SLC5A8: variants seen among roughly 807,000 people sequenced by gnomAD.
The protein encoded by SLC5A8 is sodium-coupled monocarboxylate transporter 1.
SLC5A8 carries 55 observed loss-of-function variants against 71.9 expected under a neutral mutation model. The observed-to-expected ratio is 0.77, with a 90% CI of 0.62 to 0.96. SLC5A8 has a LOEUF of 0.96. Among genes scored for constraint, SLC5A8 ranks in the 40% least tolerant of loss-of-function variants. The pLI, the probability that SLC5A8 is intolerant of heterozygous loss-of-function variation, is 0.00. For synonymous variants in SLC5A8, 307 were observed against 276.1 expected, an observed-to-expected ratio of 1.11 and a Z score of -1.11; for missense variants, 701 against 745.3, an observed-to-expected ratio of 0.94 and a Z score of 0.69.
intron 9 of SLC5A8, among the ~76,000 whole-genome samples, chr12:101,181,605 T>C (rs1437584106): frequency 6.6e-6 from 1 of 152,188 alleles, no homozygotes; most frequent in Non-Finnish European, 1.5e-5. Context: ...TAGAGGCTTG[T>C]ATGGGTAACT....
chr12:101,161,354 C>A (rs534612210), intron 13 of SLC5A8, among the ~76,000 whole-genome samples: 1 of 152,162 alleles, frequency 6.6e-6, no homozygotes, highest in East Asian at 1.9e-4. Flanking sequence ...TAAGAGAATT[C>A]ATAGAATGAG....
Position 101,181,284 on chromosome 12 carries a change from T to A in SLC5A8, c.1166-1188A>T, listed in dbSNP as rs552322577. 7.2e-5 allele frequency among the ~76,000 whole-genome samples: 11 copies of A among 152,356 alleles called. No individual in the cohort carries two copies. The East Asian group carries it at 2.1e-3, about 29-fold the overall frequency. On this transcript the variant is annotated intron_variant, in intron 9 of 14. Coordinates refer to ENST00000536262, the MANE Select transcript of SLC5A8 (RefSeq NM_145913.5). ...ATTTTAATGTAAATAATATTTTCAA[T>A]ATATTTGGTTTGATTCTCCATTTGA...
Position 101,202,182 on chromosome 12 carries a change from C to G in SLC5A8, c.451G>C (p.Ala151Pro), listed in dbSNP as rs980159299. 5.6e-6 allele frequency: 9 copies of G among 1,608,246 alleles called. No individual in the cohort carries two copies. In the Admixed American group the frequency reaches 6.8e-5, roughly 12 times the overall value. Residue 151 changes from alanine to proline, a missense_variant, in exon 3 of 15, where the codon GCC becomes CCC. By Grantham distance (27) the Ala-to-Pro change is conservative. Coordinates refer to ENST00000536262, the MANE Select transcript of SLC5A8 (RefSeq NM_145913.5). Reference sequence around the variant, plus strand: ...AATGTACCTTGATTCAAAGCCAGGGCAGGGGCATAAATAACAATTCCAGTA... The same window carrying G: ...AATGTACCTTGATTCAAAGCCAGGGGAGGGGCATAAATAACAATTCCAGTA... ...LYTGIVIYAP[A>P]LALNQVTGFD...
chr12:101,199,956 C>T (rs1254445823), intron 3 of SLC5A8, among the ~76,000 whole-genome samples: 2 of 115,898 alleles, frequency 1.7e-5, no homozygotes, highest in African/African-American at 6.7e-5. Flanking sequence ...AAGTCTATAA[C>T]AAGAGAATGG....
intron 4 of SLC5A8, 145 bp downstream of exon 4, chr12:101,194,950 T>G: frequency 1.4e-6 from 1 of 711,344 alleles, no homozygotes; most frequent in Non-Finnish European, 2.4e-6. Flanking sequence ...ACAGATTATT[T>G]CTCACACAAA....
At chr12:101,158,630 A>G (rs868040092) in intron 13 of SLC5A8, among the ~76,000 whole-genome samples, 7 of 127,398 alleles carry the variant, frequency 5.5e-5, no homozygotes, top group South Asian at 5.1e-4. Flanking sequence ...ATATATATAT[A>G]TATGTATCAT....
intron 11 of SLC5A8, among the ~76,000 whole-genome samples, chr12:101,167,651 T>C (rs1006115591): frequency 6.6e-6 from 1 of 152,234 alleles, no homozygotes; most frequent in African/African-American, 2.4e-5. Context: ...GAGCTACAGC[T>C]TTAAATGTCA....
Position 101,209,617 on chromosome 12 carries a change from C to A in SLC5A8, c.232G>T (p.Val78Phe). 6.2e-7 allele frequency: 1 copy of A among 1,614,074 alleles called. No homozygotes were observed. The highest frequency in any genetic ancestry group is 1.1e-5 in the South Asian group (1 of 91,086). Residue 78 changes from valine to phenylalanine, a missense_variant, in exon 1 of 15, where the codon GTC becomes TTC. Transcript: ENST00000536262. ...CTAAAAATGGCCCCAAAACGGTAGA[C>A]CTCGGAGGGGGTGCCCAGGACAGTG... ...AVTVLGTPSEVYRFGAIFSIF... is the reference protein window; with the variant it reads ...AVTVLGTPSEFYRFGAIFSIF...
intron 10 of SLC5A8, among the ~76,000 whole-genome samples, chr12:101,171,827 G>A (rs1299474049): frequency 1.3e-5 from 2 of 152,166 alleles, no homozygotes; most frequent in African/African-American, 4.8e-5. Context: ...TGGTGAATAG[G>A]TCTGGAGAAG....
Position 101,190,440 on chromosome 12 carries a change from G to C in SLC5A8, c.833+28C>G, listed in dbSNP as rs1213527737. 5 of 1,597,274 alleles carry C rather than the reference G, an allele frequency of 3.1e-6. No homozygotes were observed. The South Asian group carries it at 5.7e-5, about 18-fold the overall frequency. ...ATAAAGACAACTGATGGTTATTAATGATTCATATACCATGGTGTGTGACTT... is the reference window on the plus strand; with the variant it reads ...ATAAAGACAACTGATGGTTATTAATCATTCATATACCATGGTGTGTGACTT... On this transcript the variant is annotated intron_variant, in intron 6 of 14. Coordinates refer to ENST00000536262, the MANE Select transcript of SLC5A8 (RefSeq NM_145913.5).
At chr12:101,169,687 G>A (rs2051809815) in intron 10 of SLC5A8, among the ~76,000 whole-genome samples, 1 of 152,160 alleles carries the variant, frequency 6.6e-6, no homozygotes, top group Non-Finnish European at 1.5e-5. Flanking sequence ...AAATTTCAGG[G>A]AGCACTTGGG....
At chr12:101,161,060 G>A (rs1205395145) in intron 13 of SLC5A8, among the ~76,000 whole-genome samples, 1 of 152,178 alleles carries the variant, frequency 6.6e-6, no homozygotes, top group African/African-American at 2.4e-5. Flanking sequence ...TGGTAGCAGA[G>A]CGCTGTCACA....
At chr12:101,198,351 C>G (rs549213194) in intron 3 of SLC5A8, among the ~76,000 whole-genome samples, 5 of 151,840 alleles carry the variant, frequency 3.3e-5, no homozygotes, top group African/African-American at 1.2e-4. Context: ...AGCCAAAACA[C>G]TGATTCTTAG....
chr12:101,192,696 T>G (rs1868965970), intron 5 of SLC5A8, among the ~76,000 whole-genome samples: 1 of 152,216 alleles, frequency 6.6e-6, no homozygotes. Flanking sequence ...ACTTTCCTAG[T>G]CAATTCTCTA....
intron 3 of SLC5A8, among the ~76,000 whole-genome samples, chr12:101,199,679 T>C (rs969802523): frequency 6.6e-6 from 1 of 151,928 alleles, no homozygotes; most frequent in African/African-American, 2.4e-5. Context: ...GTGGAATGAC[T>C]AGAATTCTCA....
chr12:101,200,615 A>C (rs2671445), intron 3 of SLC5A8, among the ~76,000 whole-genome samples: 31,544 of 151,980 alleles, frequency 0.21, 3,800 homozygotes, highest in East Asian at 0.53. Context: ...ATTAATATTA[A>C]TATTTTAGGT....
intron 4 of SLC5A8, 122 bp from the exon 5 acceptor site, chr12:101,193,901 AAGGGAAAC>A: frequency 1.0e-6 from 1 of 960,556 alleles, no homozygotes; most frequent in East Asian, 2.7e-5. Flanking sequence ...AAGTGCACTC[AAGGGAAAC>A]AGTCAGGTTG....
chr12:101,165,991 G>C (rs1202094004), intron 12 of SLC5A8, among the ~76,000 whole-genome samples: 4 of 152,148 alleles, frequency 2.6e-5, no homozygotes, highest in Non-Finnish European at 4.4e-5. Flanking sequence ...TGTACTGCAT[G>C]ACTGAAATCT....
rs187891528 is a variant in SLC5A8 at position 101,156,597 on chromosome 12, A to G, written c.*682T>C. 20 of 152,344 alleles carry G rather than the reference A, an allele frequency of 1.3e-4. No individual in the cohort carries two copies. The highest frequency in any genetic ancestry group is 2.2e-4 in the African/African-American group (9 of 41,588). The allele number at this position is 152,344 out of a possible 1,614,324, so 9.4% of individuals were successfully genotyped here. ...AAAATTACAGTCTAAGAAAGGCAGT[A>G]TCAGCAGCCAAAGCCCAGAAACTCT... On this transcript the variant is annotated 3_prime_UTR_variant, in exon 15 of 15. Coordinates refer to ENST00000536262, the MANE Select transcript of SLC5A8 (RefSeq NM_145913.5).
Sources: gnomAD v4.1 joint callset for allele counts (sites outside exome capture counted in the v4.1 genomes callset) on GRCh38, gnomAD v4.1.1 for gene constraint, MANE v1.5 for transcripts, NCBI Gene and HGNC (gene_info 2026-07-23, HGNC 2026-07-21) for gene names.